The following ZFPM2 variants were observed in gnomAD, a reference collection of about 807,000 sequenced individuals.
ZFPM2 encodes the protein zinc finger protein, FOG family member 2.
ZFPM2 carries 20 observed loss-of-function variants against 98.6 expected under a neutral mutation model. That is an observed-to-expected ratio of 0.20 (90% confidence interval 0.14 to 0.29). The LOEUF (loss-of-function observed/expected upper bound fraction) is 0.29. Ranked by LOEUF, ZFPM2 falls within the 10% of genes least tolerant of loss-of-function variation. The probability of loss-of-function intolerance (pLI) is 1.00; values close to 1 mark genes in which losing one functional copy is unlikely to be tolerated. For missense variants in ZFPM2, 1,310 were observed against 1,388.6 expected, an observed-to-expected ratio of 0.94 and a Z score of 0.90; for synonymous variants, 518 against 502.7, an observed-to-expected ratio of 1.03 and a Z score of -0.41.
At chr8:105,657,759 G>A (rs924991178) in intron 5 of ZFPM2, among the ~76,000 whole-genome samples, 7 of 152,140 alleles carry the variant, frequency 4.6e-5, no homozygotes, top group African/African-American at 1.4e-4. Flanking sequence ...TTATAAAGCT[G>A]GAGAAGGATA....
intron 3 of ZFPM2, among the ~76,000 whole-genome samples, chr8:105,534,660 G>A (rs1171327234): frequency 6.6e-6 from 1 of 152,084 alleles, no homozygotes; most frequent in Non-Finnish European, 1.5e-5. Flanking sequence ...GCTGAGCATT[G>A]TCCCTGGTAC....
At chr8:105,774,912 G>A (rs1453719973) in intron 5 of ZFPM2, among the ~76,000 whole-genome samples, 1 of 151,922 alleles carries the variant, frequency 6.6e-6, no homozygotes, top group Non-Finnish European at 1.5e-5. Context: ...ACGCGAAGAT[G>A]GAAGCCACCC....
At chr8:105,509,754 A>T (rs1256546222) in intron 3 of ZFPM2, among the ~76,000 whole-genome samples, 1 of 152,084 alleles carries the variant, frequency 6.6e-6, no homozygotes, top group Non-Finnish European at 1.5e-5. Flanking sequence ...CCTAGGAGTC[A>T]TTTAAGGAAG....
At chr8:105,534,948 G>C (rs764311656) in intron 3 of ZFPM2, among the ~76,000 whole-genome samples, 1 of 152,122 alleles carries the variant, frequency 6.6e-6, no homozygotes, top group African/African-American at 2.4e-5. Flanking sequence ...GTAACAGCAA[G>C]TTTTCAGACA....
chr8:105,336,820 A>G (rs1166002897), intron 1 of ZFPM2, among the ~76,000 whole-genome samples: 4 of 151,676 alleles, frequency 2.6e-5, no homozygotes, highest in Non-Finnish European at 4.4e-5. Flanking sequence ...TCTATAAACC[A>G]GTAAATGTTT....
intron 4 of ZFPM2, among the ~76,000 whole-genome samples, chr8:105,615,562 C>T (rs1276843195): frequency 6.6e-6 from 1 of 152,038 alleles, no homozygotes; most frequent in Non-Finnish European, 1.5e-5. Flanking sequence ...TATTTATAGT[C>T]ACTGTGCTTA....
intron 1 of ZFPM2, among the ~76,000 whole-genome samples, chr8:105,359,814 A>AT (rs1397444962): frequency 6.6e-6 from 1 of 152,150 alleles, no homozygotes; most frequent in Non-Finnish European, 1.5e-5. Context: ...TTTGAATCCA[A>AT]TTTTTTGTTT....
chr8:105,489,178 A>T (rs377429499), intron 3 of ZFPM2, among the ~76,000 whole-genome samples: 25 of 152,054 alleles, frequency 1.6e-4, no homozygotes, highest in South Asian at 4.2e-4. Flanking sequence ...AACAGAGGCC[A>T]CCACTGCCAC....
chr8:105,637,753 A>G (rs980560185), intron 5 of ZFPM2, among the ~76,000 whole-genome samples: 5 of 152,268 alleles, frequency 3.3e-5, no homozygotes, highest in Middle Eastern at 6.8e-3. Context: ...CACTGGACTC[A>G]GGAGTCGTCT....
chr8:105,714,419 A>G (rs1811471698), intron 5 of ZFPM2, among the ~76,000 whole-genome samples: 1 of 152,044 alleles, frequency 6.6e-6, no homozygotes, highest in Non-Finnish European at 1.5e-5. Context: ...AAAGAGAAAT[A>G]GTTTGACTTT....
chr8:105,709,211 A>G (rs1246221433), intron 5 of ZFPM2, among the ~76,000 whole-genome samples: 2 of 152,150 alleles, frequency 1.3e-5, no homozygotes, highest in Admixed American at 6.5e-5. Flanking sequence ...TTTGCCTTTG[A>G]TTTAAAGTAA....
chr8:105,329,437 G>A (rs1435777583), intron 1 of ZFPM2, among the ~76,000 whole-genome samples: 1 of 151,734 alleles, frequency 6.6e-6, no homozygotes, highest in Non-Finnish European at 1.5e-5. Flanking sequence ...TTAACTTAAT[G>A]TTTTTACTTT....
intron 3 of ZFPM2, among the ~76,000 whole-genome samples, chr8:105,481,634 G>T (rs1222293592): frequency 6.6e-6 from 1 of 152,126 alleles, no homozygotes; most frequent in Non-Finnish European, 1.5e-5. Flanking sequence ...AGGGACACAA[G>T]TCCCTCCCAA....
intron 3 of ZFPM2, among the ~76,000 whole-genome samples, chr8:105,544,137 A>T (rs2130634935): frequency 6.6e-6 from 1 of 152,336 alleles, no homozygotes; most frequent in Admixed American, 6.5e-5. Context: ...ATGCTGAAAT[A>T]AAATAAAATA....
intron 3 of ZFPM2, among the ~76,000 whole-genome samples, chr8:105,470,740 T>C (rs1812887199): frequency 6.6e-6 from 1 of 152,046 alleles, no homozygotes; most frequent in Non-Finnish European, 1.5e-5. Context: ...ATTGTGCCAC[T>C]GCACTCCAGC....
intron 5 of ZFPM2, among the ~76,000 whole-genome samples, chr8:105,654,673 C>G (rs905487838): frequency 6.6e-6 from 1 of 151,942 alleles, no homozygotes; most frequent in Non-Finnish European, 1.5e-5. Context: ...GACCTAGAAG[C>G]CTAAAATCAA....
intron 3 of ZFPM2, among the ~76,000 whole-genome samples, chr8:105,533,032 G>T (rs552215792): frequency 1.3e-5 from 2 of 151,956 alleles, no homozygotes; most frequent in African/African-American, 4.8e-5. Flanking sequence ...ATTTGAATGC[G>T]TAGAATTAAC....
Position 105,803,244 on chromosome 8 carries a change from T to A in ZFPM2, c.3162T>A (p.Pro1054=). The A allele has an allele frequency of 6.2e-7, 1 of 1,605,950 alleles. No homozygotes were observed. The stretch of plus-strand genomic sequence containing the variant: ...GTGGACTGAAACAAGATGAGAGACC[T>A]GCTGCCAACCCACAGCAAGAGAACA... ...VNGGLKQDER[P]AANPQQENIS... Residue 1054 remains proline, a synonymous_variant, in exon 8 of 8, where the codon CCT becomes CCA. Transcript: ENST00000407775.
intron 1 of ZFPM2, among the ~76,000 whole-genome samples, chr8:105,328,539 T>C (rs1586294612): frequency 6.6e-6 from 1 of 151,878 alleles, no homozygotes; most frequent in African/African-American, 2.4e-5. Flanking sequence ...TGTTTATGTA[T>C]AGCAGTATAT....
Sources: allele counts gnomAD v4.1 joint callset (sites outside exome capture counted in the v4.1 genomes callset), GRCh38; gene constraint gnomAD v4.1.1; transcripts MANE v1.5; gene names NCBI Gene and HGNC (gene_info 2026-07-23, HGNC 2026-07-21).